Variants in CNTNAP5 observed in about 807,000 individuals in gnomAD.
CNTNAP5 encodes contactin-associated protein-like 5.
A neutral mutation model predicts 150.2 loss-of-function variants in CNTNAP5; 72 were observed. That is an observed-to-expected ratio of 0.48 (90% CI 0.40 to 0.58). The LOEUF (loss-of-function observed/expected upper bound fraction) is 0.58, where lower values mean the gene tolerates loss of function less well. Ranked by LOEUF, CNTNAP5 falls within the 20% of genes least tolerant of loss-of-function variation. CNTNAP5 has a pLI of 0.00. For synonymous variants in CNTNAP5, 672 were observed against 619.8 expected (o/e 1.08, Z -1.25); for missense variants, 1,636 against 1,626.2 (o/e 1.01, Z -0.10).
rs759581983 is a variant in CNTNAP5 at position 124,221,793 on chromosome 2, A to G, written c.171A>G (p.Gln57=). ...SDLTGTHSPA[Q]LNWRVGTGGW... ...TCACTGGCACTCACAGCCCAGCTCA[A>G]CTCAACTGGAGAGTTGGTAAGTAGG... Residue 57 remains glutamine (Q), a synonymous_variant, in exon 2 of 24, where the codon CAA becomes CAG. Coordinates refer to ENST00000682447, the MANE Select transcript of CNTNAP5 (RefSeq NM_001367498.1). 1.9e-6 allele frequency: 3 copies of G among 1,607,148 alleles called. No individual in the cohort carries two copies. Among genetic ancestry groups the G allele is most frequent in the Admixed American group, 1.7e-5 (1 of 59,388 alleles).
intron 10 of CNTNAP5, among the ~76,000 whole-genome samples, chr2:124,549,632 CA>C (rs1695587041): frequency 6.6e-6 from 1 of 152,102 alleles, no homozygotes; most frequent in Non-Finnish European, 1.5e-5. Flanking sequence ...ATAAGCTGCC[CA>C]CTGATAGAAG....
chr2:124,813,489 C>G lies in CNTNAP5; in HGVS notation c.3217+15169C>G, dbSNP rs117633263. On this transcript the variant is annotated intron_variant, in intron 19 of 23. Coordinates refer to ENST00000682447, the MANE Select transcript of CNTNAP5 (RefSeq NM_001367498.1). The stretch of plus-strand genomic sequence containing the variant: ...GCTGGTTACTGTATCCTGATGAACC[C>G]AAATCTATATGCCTAGCTTGGGTAG... Among the ~76,000 whole-genome samples, 143 of 151,862 alleles carry G rather than the reference C, an allele frequency of 9.4e-4. No homozygotes were observed. In the East Asian group the frequency reaches 0.016, roughly 17 times the overall value.
At chr2:124,446,673 G>C in intron 5 of CNTNAP5, 80 bp from the exon 6 acceptor site, 2 of 1,385,582 alleles carry the variant, frequency 1.4e-6, no homozygotes, top group Non-Finnish European at 2.0e-6. Flanking sequence ...AGATATAGCT[G>C]CTTTTGCTTG....
chr2:124,390,915 T>C (rs1031395428), intron 3 of CNTNAP5, among the ~76,000 whole-genome samples: 2 of 152,234 alleles, frequency 1.3e-5, no homozygotes, highest in Non-Finnish European at 2.9e-5. Context: ...GAAATTTCTA[T>C]GAAAGTATTT....
At chr2:124,333,215 G>A (rs1433289166) in intron 3 of CNTNAP5, among the ~76,000 whole-genome samples, 1 of 152,084 alleles carries the variant, frequency 6.6e-6, no homozygotes, top group Non-Finnish European at 1.5e-5. Flanking sequence ...GCTATAGTGA[G>A]CCGTGATCGC....
In CNTNAP5 at chr2:124,415,691, A is replaced by G. The variant is rs12617456; in HGVS notation, c.382-1752A>G. On this transcript the variant is annotated intron_variant, in intron 3 of 23. Transcript: ENST00000682447. Reference sequence around the variant, plus strand: ...TTCATAATGAAGCAAGCAAATCGGTATGCTAGCTGACATCCCATCTTAAAG... The same window carrying G: ...TTCATAATGAAGCAAGCAAATCGGTGTGCTAGCTGACATCCCATCTTAAAG... Among the ~76,000 whole-genome samples, 151 of 152,318 alleles carry G rather than the reference A, an allele frequency of 9.9e-4. 1 individual carries two copies. The highest frequency in any genetic ancestry group is 3.4e-3 in the African/African-American group (142 of 41,576).
At chr2:124,556,508 T>A (rs1695758596) in intron 10 of CNTNAP5, among the ~76,000 whole-genome samples, 1 of 152,224 alleles carries the variant, frequency 6.6e-6, no homozygotes, top group Non-Finnish European at 1.5e-5. Context: ...TAAAATATGA[T>A]CTGCCTTAGG....
chr2:124,426,392 C>T (rs1254963032), intron 4 of CNTNAP5, among the ~76,000 whole-genome samples: 1 of 152,054 alleles, frequency 6.6e-6, no homozygotes, highest in East Asian at 1.9e-4. Context: ...CTGTGGAAAC[C>T]CTGGTGGTTT....
chr2:124,307,273 G>C (rs944219736), intron 3 of CNTNAP5, among the ~76,000 whole-genome samples: 8 of 152,098 alleles, frequency 5.3e-5, no homozygotes, highest in African/African-American at 1.9e-4. Context: ...GAGATCTTGT[G>C]TCTCTTCCTC....
intron 6 of CNTNAP5, among the ~76,000 whole-genome samples, chr2:124,447,969 A>T (rs890252812): frequency 2.6e-5 from 4 of 152,110 alleles, no homozygotes; most frequent in African/African-American, 4.8e-5. Context: ...TAACCTAGGC[A>T]TTATTAAAAA....
chr2:124,494,919 C>T (rs370171413), intron 7 of CNTNAP5, among the ~76,000 whole-genome samples: 37 of 152,156 alleles, frequency 2.4e-4, no homozygotes, highest in African/African-American at 7.7e-4. Context: ...TAGTATAAAG[C>T]TATACCTCTT....
intron 21 of CNTNAP5, among the ~76,000 whole-genome samples, chr2:124,873,892 T>C (rs1048637062): frequency 3.3e-5 from 5 of 152,208 alleles, no homozygotes; most frequent in East Asian, 3.9e-4. Flanking sequence ...TAGCATTTCA[T>C]TGCAAAGCAA....
At chr2:124,886,070 CTG>C (rs1382205784) in intron 21 of CNTNAP5, among the ~76,000 whole-genome samples, 1 of 152,086 alleles carries the variant, frequency 6.6e-6, no homozygotes, top group Non-Finnish European at 1.5e-5. Context: ...ATATTACAAA[CTG>C]TGCTTCCCAC....
intron 22 of CNTNAP5, among the ~76,000 whole-genome samples, chr2:124,908,118 A>T (rs1678575699): frequency 6.6e-6 from 1 of 152,108 alleles, no homozygotes; most frequent in Non-Finnish European, 1.5e-5. Context: ...CACACCTGTA[A>T]TCCCAGCACT....
intron 10 of CNTNAP5, among the ~76,000 whole-genome samples, chr2:124,562,158 A>T (rs763920525): frequency 2.0e-4 from 30 of 152,166 alleles, no homozygotes; most frequent in Non-Finnish European, 4.3e-4. Context: ...TTCTGTCTGG[A>T]AGAAAAAAAT....
chr2:124,195,493 G>A (rs946469712), intron 1 of CNTNAP5, among the ~76,000 whole-genome samples: 31 of 152,172 alleles, frequency 2.0e-4, no homozygotes, highest in African/African-American at 4.3e-4. Context: ...ATGCAAATGA[G>A]TGGACATGGC....
chr2:124,202,947 A>G (rs941362491), intron 1 of CNTNAP5, among the ~76,000 whole-genome samples: 2 of 152,126 alleles, frequency 1.3e-5, no homozygotes, highest in Non-Finnish European at 2.9e-5. Context: ...ATATCCTCGC[A>G]TTTTAAAGCC....
At chr2:124,443,621 A>T (rs1216033396) in intron 5 of CNTNAP5, among the ~76,000 whole-genome samples, 2 of 152,140 alleles carry the variant, frequency 1.3e-5, no homozygotes, top group African/African-American at 4.8e-5. Flanking sequence ...CCAAAGTTAC[A>T]TAAAAAATAA....
chr2:124,246,901 C>T (rs1020864719), intron 3 of CNTNAP5, among the ~76,000 whole-genome samples: 20 of 152,044 alleles, frequency 1.3e-4, no homozygotes. Flanking sequence ...TGCCTCTCCC[C>T]AAACAGACAG....
Sources: allele counts gnomAD v4.1 joint callset (sites outside exome capture counted in the v4.1 genomes callset), GRCh38; gene constraint gnomAD v4.1.1; transcripts MANE v1.5; gene names NCBI Gene and HGNC (gene_info 2026-07-23, HGNC 2026-07-21).